The following ATP2C2 variants were observed in gnomAD, a reference collection of about 807,000 sequenced individuals.
The protein encoded by ATP2C2 is calcium-transporting ATPase type 2C member 2.
ATP2C2 carries 171 observed loss-of-function variants against 110.8 expected under a neutral mutation model. That is an observed-to-expected ratio of 1.54 (90% CI 1.36 to 1.75). ATP2C2 has a LOEUF of 1.75. ATP2C2 is among the 40% of genes most tolerant of loss of function. The pLI is 0.00. For missense variants in ATP2C2, 1,963 were observed against 1,235.0 expected (o/e 1.59, Z -8.84); for synonymous variants, 804 against 508.4 (o/e 1.58, Z -7.82).
chr16:84,461,492 C>G (rs1911332035), intron 24 of ATP2C2: 3 of 609,186 alleles, frequency 4.9e-6, no homozygotes, highest in Non-Finnish European at 8.8e-6. Context: ...CATAGGTGCC[C>G]TGCCCCCATC....
chr16:84,408,503 C>A lies in ATP2C2; in HGVS notation c.417+9C>A, dbSNP rs748424868. 2.5e-6 allele frequency: 4 copies of A among 1,610,626 alleles called. No individual in the cohort carries two copies. The highest frequency in any genetic ancestry group is 1.7e-5 in the Admixed American group (1 of 59,944). On this transcript the variant is annotated intron_variant, in intron 4 of 26. Transcript: ENST00000262429. ...CCGTCAGCATCGCCACGGTGAGTTC[C>A]CTGACAGCGCTCGGCTCCCGGGCGG...
rs191353931 is a variant in ATP2C2, at chr16:84,389,888, C to T, written c.100-8611C>T. On this transcript the variant is annotated intron_variant, in intron 1 of 26. Coordinates refer to ENST00000262429, the MANE Select transcript of ATP2C2 (RefSeq NM_014861.4). ...GGCATGTGCTATCACGTTTGGCTAA[C>T]TTTTTTGTATTTTTAGTAGAGACAG... is the stretch of plus-strand genomic sequence containing the variant. 4.1e-4 allele frequency among the ~76,000 whole-genome samples: 62 copies of T among 152,076 alleles called. 2 individuals carry two copies. In the East Asian group the frequency reaches 0.011, roughly 27 times the overall value.
At chr16:84,425,453 G>C (rs537850633) in intron 10 of ATP2C2, among the ~76,000 whole-genome samples, 4 of 152,268 alleles carry the variant, frequency 2.6e-5, no homozygotes, top group African/African-American at 9.6e-5. Context: ...GTAAACTTTG[G>C]GAATAAGATG....
At chr16:84,443,385 C>T (rs1909447872) in intron 15 of ATP2C2, among the ~76,000 whole-genome samples, 1 of 152,190 alleles carries the variant, frequency 6.6e-6, no homozygotes, top group African/African-American at 2.4e-5. Flanking sequence ...CCCCGACCCG[C>T]TCCGTGCTTT....
intron 11 of ATP2C2, among the ~76,000 whole-genome samples, chr16:84,430,654 A>AAAT (rs1908194027): frequency 6.6e-6 from 1 of 151,392 alleles, no homozygotes; most frequent in Admixed American, 6.6e-5. Context: ...AAAAAAAAAA[A>AAAT]AAAGTCAGTT....
intron 11 of ATP2C2, among the ~76,000 whole-genome samples, chr16:84,430,341 A>C (rs1056163967): frequency 1.3e-5 from 2 of 152,170 alleles, no homozygotes; most frequent in African/African-American, 4.8e-5. Context: ...GCAGGTGGAC[A>C]GAGTAAAGTC....
chr16:84,431,010 T>TAC (rs1908229833), intron 11 of ATP2C2, among the ~76,000 whole-genome samples: 1 of 152,066 alleles, frequency 6.6e-6, no homozygotes, highest in African/African-American at 2.4e-5. Flanking sequence ...GCCCCATGAA[T>TAC]ATGTATTGGG....
At chr16:84,391,877 C>A (rs774085501) in intron 1 of ATP2C2, among the ~76,000 whole-genome samples, 1 of 151,922 alleles carries the variant, frequency 6.6e-6, no homozygotes, top group Admixed American at 6.6e-5. Flanking sequence ...TTATGTGACT[C>A]CCGTTCCCTC....
At chr16:84,416,385 A>G (rs1314559746) in intron 7 of ATP2C2, among the ~76,000 whole-genome samples, 1 of 152,240 alleles carries the variant, frequency 6.6e-6, no homozygotes, top group Non-Finnish European at 1.5e-5. Context: ...AAAGCTTTGC[A>G]TGATGAAGAA....
At position 84,439,238 on chromosome 16, in the gene ATP2C2, G is replaced by C. The variant is rs768426478; in HGVS notation, c.1059G>C (p.Arg353=). 3 of 1,612,382 alleles carry C rather than the reference G, an allele frequency of 1.9e-6. No individual in the cohort carries two copies. The highest frequency in any genetic ancestry group is 2.5e-6 in the Non-Finnish European group (3 of 1,180,036). Residue 353 remains arginine, a synonymous_variant, in exon 12 of 27, where the codon CGG becomes CGC. Transcript: ENST00000262429. ...TGACGCTGGTCCTGGGAGTGCTGCG[G>C]ATGGCCAAGAAGCGGGTCATCGTGA... ...VMVTLVLGVL[R]MAKKRVIVKK... is the part of the protein sequence containing the mutation.
chr16:84,369,886 T>C (rs1056327279), intron 1 of ATP2C2, among the ~76,000 whole-genome samples: 1 of 152,238 alleles, frequency 6.6e-6, no homozygotes, highest in Admixed American at 6.5e-5. Flanking sequence ...AATCTCGATT[T>C]TTCTGAAGTG....
intron 11 of ATP2C2, among the ~76,000 whole-genome samples, chr16:84,438,611 G>C (rs1292215424): frequency 6.6e-6 from 1 of 152,190 alleles, no homozygotes; most frequent in Admixed American, 6.5e-5. Context: ...GGAGGGGTAA[G>C]AAAGAAGTGA....
At chr16:84,462,979 T>C (rs1408035994) in intron 26 of ATP2C2, 2 of 154,162 alleles carry the variant, frequency 1.3e-5, no homozygotes, top group Non-Finnish European at 2.9e-5. Context: ...GCAGTGTCAG[T>C]GTGGGTCACC....
At chr16:84,382,061 G>C (rs564765746) in intron 1 of ATP2C2, among the ~76,000 whole-genome samples, 3 of 152,094 alleles carry the variant, frequency 2.0e-5, no homozygotes, top group African/African-American at 7.2e-5. Context: ...AGGTATCCAC[G>C]TGCCATGGTG....
intron 26 of ATP2C2, chr16:84,462,527 C>T (rs982359454): frequency 4.1e-5 from 7 of 172,462 alleles, no homozygotes; most frequent in Non-Finnish European, 7.4e-5. Flanking sequence ...GATCTGGTCA[C>T]CTGAAGGCAG....
rs1373725928 is a variant in ATP2C2 at position 84,368,542 on chromosome 16, G to A, written c.-74G>A. On this transcript the variant is annotated 5_prime_UTR_variant, in exon 1 of 27. Transcript: ENST00000262429. ...CCTGGTAACCGGGTCCGGCCCAGGA[G>A]GCTTGGGCGCGCGCAGCCATCCCGG... 5.8e-6 allele frequency: 7 copies of A among 1,215,508 alleles called. No individual in the cohort carries two copies. Among genetic ancestry groups the A allele is most frequent in the Non-Finnish European group, 8.1e-6 (7 of 863,512 alleles). 75.3% of individuals were successfully genotyped at this position (1,215,508 alleles called of 1,614,324 possible).
chr16:84,409,473 A>G (rs1025677315), intron 4 of ATP2C2, among the ~76,000 whole-genome samples: 2 of 152,192 alleles, frequency 1.3e-5, no homozygotes, highest in Non-Finnish European at 2.9e-5. Flanking sequence ...GGATTCAGAC[A>G]ATACATGACC....
At chr16:84,426,991 C>G (rs1460908899) in intron 11 of ATP2C2, among the ~76,000 whole-genome samples, 1 of 152,108 alleles carries the variant, frequency 6.6e-6, no homozygotes, top group African/African-American at 2.4e-5. Flanking sequence ...TTGCCAAGAG[C>G]AAGGGAAGCA....
chr16:84,442,539 C>T lies in ATP2C2; in HGVS notation c.1341C>T (p.Ile447=). 6.2e-7 allele frequency: 1 copy of T among 1,614,088 alleles called. No homozygotes were observed. Among genetic ancestry groups the T allele is most frequent in the Non-Finnish European group, 8.5e-7 (1 of 1,179,982 alleles). ...GCTGTGTTGCCAACAATGCGGTCAT[C>T]AGAAAGAACGCCGTGATGGGGCAGC... is the stretch of plus-strand genomic sequence containing the variant. ...EAGCVANNAV[I]RKNAVMGQPT... Residue 447 remains isoleucine (I), a synonymous_variant, in exon 15 of 27, where the codon ATC becomes ATT. Coordinates refer to ENST00000262429, the MANE Select transcript of ATP2C2 (RefSeq NM_014861.4).
Sources: gnomAD v4.1 joint callset for allele counts (sites outside exome capture counted in the v4.1 genomes callset) on GRCh38, gnomAD v4.1.1 for gene constraint, MANE v1.5 for transcripts, NCBI Gene and HGNC (gene_info 2026-07-23, HGNC 2026-07-21) for gene names.